The following IL23R variants were observed in gnomAD, a reference collection of about 807,000 sequenced individuals.
IL23R encodes interleukin-23 receptor.
A neutral mutation model predicts 56.9 loss-of-function variants in IL23R; 34 were observed. The observed-to-expected ratio is 0.60, with a 90% CI of 0.45 to 0.80. The LOEUF is 0.80. IL23R is among the 30% of genes least tolerant of loss of function. The pLI is 0.00. For missense variants in IL23R, 635 were observed against 730.0 expected, an observed-to-expected ratio of 0.87 and a Z score of 1.50; for synonymous variants, 230 against 249.2, an observed-to-expected ratio of 0.92 and a Z score of 0.73.
upstream of IL23R, among the ~76,000 whole-genome samples, chr1:67,162,734 A>C (rs1462592646): frequency 2.0e-5 from 3 of 152,224 alleles, no homozygotes. Flanking sequence ...CAGTATTTCC[A>C]TTTATCCATT....
intron 9 of IL23R, among the ~76,000 whole-genome samples, chr1:67,251,219 G>C (rs11807977): frequency 2.0e-5 from 3 of 152,260 alleles, no homozygotes; most frequent in Admixed American, 2.0e-4. Flanking sequence ...TTGGGAGGCC[G>C]AGCTAGGCAG....
chr1:67,188,322 G>A (rs1036411164), intron 4 of IL23R, among the ~76,000 whole-genome samples: 22 of 152,086 alleles, frequency 1.4e-4, no homozygotes, highest in African/African-American at 5.1e-4. Flanking sequence ...TGTGGACTTC[G>A]ACCTACACTG....
At chr1:67,238,313 T>C (rs1651619162) in intron 8 of IL23R, among the ~76,000 whole-genome samples, 2 of 138,700 alleles carry the variant, frequency 1.4e-5, no homozygotes, top group South Asian at 4.5e-4. Context: ...CATTCCCGCC[T>C]GGGCAACAGA....
At chr1:67,265,873 C>G in the IL23R span, among the ~76,000 whole-genome samples, 4 of 141,566 alleles carry the variant, frequency 2.8e-5, no homozygotes, top group Non-Finnish European at 6.2e-5. Flanking sequence ...GACCCTGTCT[C>G]AAAAAAAAAA....
At chr1:67,250,137 C>T (rs144597148) in intron 9 of IL23R, among the ~76,000 whole-genome samples, 4 of 152,230 alleles carry the variant, frequency 2.6e-5, no homozygotes, top group East Asian at 1.9e-4. Flanking sequence ...TTAGTAAAAA[C>T]GCATTTTAGT....
intron 7 of IL23R, among the ~76,000 whole-genome samples, chr1:67,228,535 A>G (rs1001661466): frequency 5.9e-5 from 9 of 151,766 alleles, no homozygotes; most frequent in African/African-American, 2.2e-4. Context: ...CATCTTCTAT[A>G]TTAGTTTCCT....
chr1:67,232,241 C>T (rs941660293), intron 7 of IL23R, among the ~76,000 whole-genome samples: 2 of 152,146 alleles, frequency 1.3e-5, no homozygotes, highest in African/African-American at 4.8e-5. Context: ...GGAAAGTAGT[C>T]GGTTTTAAGA....
At chr1:67,143,115 GGCTATGCAT>G (rs1209316966) in intron 1 of IL23R, among the ~76,000 whole-genome samples, 20 of 152,082 alleles carry the variant, frequency 1.3e-4, no homozygotes, top group Middle Eastern at 3.4e-3. Context: ...CAAAATCAAA[GGCTATGCAT>G]GTGCTCCCCA....
At chr1:67,164,144 A>G (rs139370627), upstream of IL23R, among the ~76,000 whole-genome samples, 462 of 152,298 alleles carry the variant, frequency 3.0e-3, 3 homozygotes, top group Non-Finnish European at 5.6e-3. Flanking sequence ...TACATAAGGA[A>G]CTCAAATGAC....
chr1:67,194,966 T>A (rs1648025006), intron 4 of IL23R, among the ~76,000 whole-genome samples: 1 of 152,268 alleles, frequency 6.6e-6, no homozygotes, highest in Admixed American at 6.5e-5. Context: ...ATTTTACTGG[T>A]AAGAAATATA....
At chr1:67,227,707 G>A (rs1650709948) in intron 7 of IL23R, among the ~76,000 whole-genome samples, 1 of 152,186 alleles carries the variant, frequency 6.6e-6, no homozygotes, top group Non-Finnish European at 1.5e-5. Flanking sequence ...TTAGAGATTT[G>A]TGAATTGTCC....
chr1:67,143,289 T>TTATA (rs1646654398), intron 1 of IL23R, among the ~76,000 whole-genome samples: 3 of 152,168 alleles, frequency 2.0e-5, no homozygotes, highest in Non-Finnish European at 4.4e-5. Flanking sequence ...AAAGGTGAAT[T>TTATA]GATAACGAAT....
At chr1:67,243,587 G>A (rs1651999036) in intron 9 of IL23R, among the ~76,000 whole-genome samples, 1 of 152,204 alleles carries the variant, frequency 6.6e-6, no homozygotes, top group African/African-American at 2.4e-5. Context: ...GTGTTAGTTT[G>A]CTGAGAATGA....
intron 10 of IL23R, among the ~76,000 whole-genome samples, chr1:67,256,502 G>A (rs749424549): frequency 9.2e-5 from 14 of 152,176 alleles, no homozygotes; most frequent in Non-Finnish European, 1.5e-4. Context: ...TATAAAGGAG[G>A]GAAGGAACAA....
chr1:67,148,883 C>T (rs1473404684), intron 1 of IL23R, among the ~76,000 whole-genome samples: 1 of 152,100 alleles, frequency 6.6e-6, no homozygotes, highest in Non-Finnish European at 1.5e-5. Context: ...GCTTAGGGGC[C>T]CAGGAGGAGT....
intron 1 of IL23R, among the ~76,000 whole-genome samples, chr1:67,147,656 T>C (rs1026107721): frequency 6.6e-6 from 1 of 151,782 alleles, no homozygotes; most frequent in Non-Finnish European, 1.5e-5. Context: ...GCCGAGATCA[T>C]GCATGCCACT....
intron 8 of IL23R, among the ~76,000 whole-genome samples, chr1:67,238,344 A>AG (rs1446583192): frequency 6.6e-6 from 1 of 150,872 alleles, no homozygotes; most frequent in Admixed American, 6.6e-5. Context: ...GTCTCAGGAA[A>AG]AAAAAAAAAA....
intron 7 of IL23R, among the ~76,000 whole-genome samples, chr1:67,229,325 C>T (rs937554823): frequency 8.5e-5 from 13 of 152,156 alleles, no homozygotes; most frequent in African/African-American, 1.4e-4. Flanking sequence ...AGGATACAGT[C>T]GAACAGCCAG....
At chr1:67,234,857 G>A (rs1651363396) in intron 7 of IL23R, among the ~76,000 whole-genome samples, 2 of 151,674 alleles carry the variant, frequency 1.3e-5, no homozygotes, top group South Asian at 4.2e-4. Flanking sequence ...ATAGGCACCT[G>A]CCACCATGCC....
Sources: gnomAD v4.1 joint callset for allele counts (sites outside exome capture counted in the v4.1 genomes callset) on GRCh38, gnomAD v4.1.1 for gene constraint, MANE v1.5 for transcripts, NCBI Gene and HGNC (gene_info 2026-07-23, HGNC 2026-07-21) for gene names.